The following PLA2G6 variants were observed in gnomAD, a reference collection of about 807,000 sequenced individuals.
PLA2G6 encodes the protein 85/88 kDa calcium-independent phospholipase A2.
Under a neutral mutation model 83.8 loss-of-function variants are expected in PLA2G6, and 62 were observed. The ratio of observed to expected loss-of-function variants is 0.74; its 90% CI spans 0.60 to 0.91. The LOEUF is 0.91. Ranked by LOEUF, PLA2G6 falls within the 40% of genes least tolerant of loss-of-function variation. PLA2G6 has a pLI of 0.00. For synonymous variants in PLA2G6, 417 were observed against 449.8 expected (o/e 0.93, Z 0.92); for missense variants, 944 against 1,102.0 (o/e 0.86, Z 2.03).
At chr22:38,120,364 G>A (rs1184894904) in intron 12 of PLA2G6, among the ~76,000 whole-genome samples, 4 of 152,248 alleles carry the variant, frequency 2.6e-5, no homozygotes. Context: ...AAGGCCAGTG[G>A]GTTCCTTTTG....
At chr22:38,146,750 A>T (rs1225718120) in intron 2 of PLA2G6, 1 of 151,362 alleles carries the variant, frequency 6.6e-6, no homozygotes, top group Non-Finnish European at 1.5e-5. Flanking sequence ...AGATATTTAA[A>T]AAAAGGGAAA....
At position 38,140,249 on chromosome 22, in the gene PLA2G6, T is replaced by A. The variant is rs892878617; in HGVS notation, c.610-80A>T. 1.2e-5 allele frequency: 17 copies of A among 1,364,424 alleles called. No homozygotes were observed. The African/African-American group carries it at 2.4e-4, about 19-fold the overall frequency. 84.5% of individuals were successfully genotyped at this position (1,364,424 alleles called of 1,614,324 possible). A position where few individuals can be genotyped will look rare whatever the true frequency, so the allele number is the denominator to read the frequency against. On this transcript the variant is annotated intron_variant, in intron 4 of 16. Transcript: ENST00000332509. Reference sequence around the variant, plus strand: ...GAGGCCGGGCGCAGTGGCTCATGCCTGTAATCCTAGCACTTTGGGAGGCCA... The same window carrying A: ...GAGGCCGGGCGCAGTGGCTCATGCCAGTAATCCTAGCACTTTGGGAGGCCA...
chr22:38,115,756 T>A (rs2087151857), intron 13 of PLA2G6, 75 bp from the exon 14 acceptor site: 2 of 1,523,296 alleles, frequency 1.3e-6, no homozygotes, highest in Admixed American at 4.0e-5. Context: ...GATCTCAGGG[T>A]GTGCGTGTTG....
chr22:38,135,256 G>C (rs2088481897), intron 5 of PLA2G6, 172 bp from the exon 6 acceptor site: 6 of 621,928 alleles, frequency 9.6e-6, no homozygotes, highest in Non-Finnish European at 1.8e-5. Flanking sequence ...AGCCCCTCAA[G>C]GCACAACTAA....
Position 38,120,878 on chromosome 22 carries a change from G to A in PLA2G6, c.1623C>T (p.Tyr541=). Residue 541 remains tyrosine, a synonymous_variant, in exon 12 of 17, where the codon TAC becomes TAT. Coordinates refer to ENST00000332509, the MANE Select transcript of PLA2G6 (RefSeq NM_003560.4). ...SKSMAYMRGM[Y]FRMKDEVFRG... ...GGAACACCTCATCCTTCATGCGAAA[G>A]TACATGCCGCGCATGTAGGCCATGG... The A allele has an allele frequency of 6.2e-7, 1 of 1,613,788 alleles. No homozygotes were observed. Among genetic ancestry groups the A allele is most frequent in the Non-Finnish European group, 8.5e-7 (1 of 1,180,020 alleles).
chr22:38,114,525 AT>A (rs2145676856), intron 14 of PLA2G6, among the ~76,000 whole-genome samples: 2 of 152,120 alleles, frequency 1.3e-5, no homozygotes, highest in South Asian at 4.1e-4. Context: ...TCTGCTGCCG[AT>A]TTGCTGGATG....
intron 2 of PLA2G6, 95 bp from the exon 3 acceptor site, chr22:38,145,748 G>A: frequency 1.3e-6 from 1 of 760,350 alleles, no homozygotes. Context: ...CCAGGCTGCG[G>A]CCTGGCCAGC....
rs1439344008 is a variant in PLA2G6, at chr22:38,134,878, G to A, written c.894+110C>T. 13 of 710,654 alleles carry A rather than the reference G, an allele frequency of 1.8e-5. No homozygotes were observed. The Admixed American group carries it at 1.9e-4, about 10-fold the overall frequency. 44.0% of individuals were successfully genotyped at this position (710,654 alleles called of 1,614,324 possible). ...TGCCTGCACACCCACTGCAAGGTCA[G>A]CCCCCAAGTGCTAGCCTCAGGGTCC... On this transcript the variant is annotated intron_variant, in intron 6 of 16. Transcript: ENST00000332509.
rs1261334796 is a variant in PLA2G6, at chr22:38,111,512, GATTT to G, written c.*645_*648del. ...AACACAGGTGAACTTGAATCCAAAT[GATTT>G]ATTTCAGTTTTGGCTCTTAAGCCAC... On this transcript the variant is annotated 3_prime_UTR_variant, in exon 17 of 17. Coordinates refer to ENST00000332509, the MANE Select transcript of PLA2G6 (RefSeq NM_003560.4). The G allele has an allele frequency of 6.2e-6, 1 of 162,132 alleles. No homozygotes were observed. Among genetic ancestry groups the G allele is most frequent in the Non-Finnish European group, 1.4e-5 (1 of 73,650 alleles). The allele number at this position is 162,132 out of a possible 1,614,324, so 10.0% of individuals were successfully genotyped here. A position where few individuals can be genotyped will look rare whatever the true frequency, so the allele number is the denominator to read the frequency against.
At chr22:38,147,632 C>CT (rs1300236943) in intron 2 of PLA2G6, 1 of 157,152 alleles carries the variant, frequency 6.4e-6, no homozygotes, top group Non-Finnish European at 1.5e-5. Context: ...CCTCTGCCCC[C>CT]TGGGTTCAAG....
intron 2 of PLA2G6, among the ~76,000 whole-genome samples, chr22:38,151,270 T>C (rs1187135831): frequency 1.3e-5 from 2 of 151,514 alleles, no homozygotes; most frequent in South Asian, 2.1e-4. Flanking sequence ...TTTGGAGACA[T>C]GGTCTCACTC....
chr22:38,147,499 T>C (rs1408758494), intron 2 of PLA2G6: 1 of 168,538 alleles, frequency 5.9e-6, no homozygotes, highest in Non-Finnish European at 1.5e-5. Context: ...AGGGGTCAAT[T>C]AATGAACAAT....
intron 10 of PLA2G6, among the ~76,000 whole-genome samples, chr22:38,124,393 C>T (rs368604432): frequency 6.6e-6 from 1 of 152,154 alleles, no homozygotes; most frequent in Non-Finnish European, 1.5e-5. Context: ...CCAGGTCTGC[C>T]GCCTCCTGAG....
chr22:38,165,602 G>A (rs1026700991), intron 2 of PLA2G6, among the ~76,000 whole-genome samples: 1 of 152,162 alleles, frequency 6.6e-6, no homozygotes, highest in African/African-American at 2.4e-5. Context: ...GGCCGGGCGC[G>A]GTGGCTCACT....
intron 3 of PLA2G6, chr22:38,143,788 G>A (rs1419473111): frequency 3.5e-6 from 1 of 286,126 alleles, no homozygotes; most frequent in Non-Finnish European, 6.9e-6. Flanking sequence ...TTGTTGCCCA[G>A]GCTGTAATGC....
At chr22:38,170,064 G>T (rs531608665) in intron 1 of PLA2G6, among the ~76,000 whole-genome samples, 14 of 152,136 alleles carry the variant, frequency 9.2e-5, no homozygotes, top group Non-Finnish European at 1.5e-4. Flanking sequence ...CAGATGTGGT[G>T]GCAGGCGCCT....
chr22:38,148,369 A>G (rs1213794024), intron 2 of PLA2G6: 1 of 612,554 alleles, frequency 1.6e-6, no homozygotes, highest in Non-Finnish European at 2.9e-6. Flanking sequence ...TCCACTTTCC[A>G]TTAACAGCAG....
chr22:38,112,612 A>G (rs2086943109), intron 15 of PLA2G6, 35 bp from the exon 16 acceptor site: 2 of 1,517,928 alleles, frequency 1.3e-6, no homozygotes, highest in Non-Finnish European at 1.8e-6. Flanking sequence ...TGCCGGGCCC[A>G]CACCCCGCCC....
intron 2 of PLA2G6, among the ~76,000 whole-genome samples, chr22:38,163,121 CA>C (rs1017413974): frequency 1.2e-4 from 18 of 151,784 alleles, no homozygotes; most frequent in African/African-American, 4.3e-4. Flanking sequence ...GGTCCTGGAC[CA>C]AAAAAAATGC....
Sources: allele counts gnomAD v4.1 joint callset (sites outside exome capture counted in the v4.1 genomes callset), GRCh38; gene constraint gnomAD v4.1.1; transcripts MANE v1.5; gene names NCBI Gene and HGNC (gene_info 2026-07-23, HGNC 2026-07-21).